EDNRB: variants seen among roughly 807,000 people sequenced by gnomAD.
EDNRB encodes endothelin receptor type B, also known as Hirschsprung disease 2.
In EDNRB, 18 loss-of-function variants were observed where a neutral mutation model predicts 46.4. The ratio of observed to expected loss-of-function variants is 0.39; its 90% CI spans 0.27 to 0.57. EDNRB has a LOEUF of 0.57. Ranked by LOEUF, EDNRB falls within the 20% of genes least tolerant of loss-of-function variation. The pLI is 0.61. For synonymous variants in EDNRB, 213 were observed against 204.9 expected (o/e 1.04, Z -0.34); for missense variants, 434 against 537.5 (o/e 0.81, Z 1.90).
chr13:77,931,769 A>AC (rs1373350485), intron 1 of EDNRB, among the ~76,000 whole-genome samples: 61 of 142,622 alleles, frequency 4.3e-4, no homozygotes, highest in East Asian at 2.7e-4. Flanking sequence ...AACAAAAAAA[A>AC]AAAAACAAAA....
At chr13:77,924,013 TG>T (rs1880161941), upstream of EDNRB, among the ~76,000 whole-genome samples, 1 of 152,244 alleles carries the variant, frequency 6.6e-6, no homozygotes, top group Admixed American at 6.5e-5. Flanking sequence ...TTTCCGATTA[TG>T]CTTTGAGATT....
intron 1 of EDNRB, among the ~76,000 whole-genome samples, chr13:77,955,823 TGG>T (rs1292005422): frequency 1.3e-5 from 2 of 150,194 alleles, no homozygotes; most frequent in Non-Finnish European, 3.0e-5. Context: ...TCTGTTCCAT[TGG>T]GGTGTGTGTA....
intron 1 of EDNRB, among the ~76,000 whole-genome samples, chr13:77,971,717 A>C (rs1187126551): frequency 5.9e-5 from 9 of 152,162 alleles, no homozygotes; most frequent in Admixed American, 5.9e-4. Context: ...ATTTGATTTC[A>C]AGCTTTAAAT....
upstream of EDNRB, among the ~76,000 whole-genome samples, chr13:77,922,975 A>G (rs996260130): frequency 2.6e-5 from 4 of 152,200 alleles, no homozygotes; most frequent in Non-Finnish European, 5.9e-5. Context: ...TTCTATAACT[A>G]AAATGTCACT....
intron 1 of EDNRB, among the ~76,000 whole-genome samples, chr13:77,934,307 A>C (rs1376542826): frequency 6.6e-6 from 1 of 152,186 alleles, no homozygotes; most frequent in East Asian, 1.9e-4. Flanking sequence ...TTGGTGGCTG[A>C]ACTTGGTGAA....
chr13:77,915,963 A>G (rs1021837717), intron 1 of EDNRB, among the ~76,000 whole-genome samples: 5 of 152,224 alleles, frequency 3.3e-5, no homozygotes, highest in Non-Finnish European at 2.9e-5. Context: ...GGAGTCAGAA[A>G]TTCTCTAGTT....
At chr13:77,928,198 A>G (rs1167735802) in intron 1 of EDNRB, among the ~76,000 whole-genome samples, 2 of 152,228 alleles carry the variant, frequency 1.3e-5, no homozygotes, top group Non-Finnish European at 2.9e-5. Context: ...AATGTTTTAT[A>G]AAAATTTGGA....
chr13:77,926,468 G>A (rs915110125), intron 1 of EDNRB, among the ~76,000 whole-genome samples: 1 of 152,144 alleles, frequency 6.6e-6, no homozygotes, highest in Admixed American at 6.5e-5. Context: ...AGGGCAAAAT[G>A]CTGCCAGTCT....
chr13:77,965,255 A>C (rs1477892741), intron 1 of EDNRB, among the ~76,000 whole-genome samples: 1 of 152,222 alleles, frequency 6.6e-6, no homozygotes, highest in African/African-American at 2.4e-5. Flanking sequence ...TAGCTGTGCA[A>C]CATATCAAGA....
At position 77,897,290 on chromosome 13, in the gene EDNRB, T is replaced by G; in HGVS notation, c.*910A>C. ...ACAGATGACAAAACCAAACAGAGTT[T>G]AAGCTACGATAGTGAAAGAAGAAGA... On this transcript the variant is annotated 3_prime_UTR_variant, in exon 7 of 7. Coordinates refer to ENST00000646607, the MANE Select transcript of EDNRB (RefSeq NM_001122659.3). 1 of 985,224 alleles carries G rather than the reference T, an allele frequency of 1.0e-6. No homozygotes were observed. The highest frequency in any genetic ancestry group is 1.2e-6 in the Non-Finnish European group (1 of 829,854). 61.0% of individuals were successfully genotyped at this position (985,224 alleles called of 1,614,324 possible).
intron 1 of EDNRB, among the ~76,000 whole-genome samples, chr13:77,913,183 A>C (rs1366647231): frequency 1.3e-5 from 2 of 152,222 alleles, no homozygotes; most frequent in Non-Finnish European, 2.9e-5. Context: ...TTACCTGCCA[A>C]GGTCACTTCA....
rs374617655 is a variant in EDNRB at position 77,972,550 on chromosome 13, G to A, written c.-52+2797C>T. 9.2e-5 allele frequency among the ~76,000 whole-genome samples: 14 copies of A among 152,246 alleles called. No individual in the cohort carries two copies. In the South Asian group the frequency reaches 2.7e-3, roughly 29 times the overall value. On this transcript the variant is annotated intron_variant, in intron 1 of 7. Coordinates refer to the EDNRB transcript ENST00000646948. ...GGGGGCAAGACTCCTGGTTGGCACT[G>A]GGGTCTTTATCGAAATCTCCCCCGA...
intron 1 of EDNRB, among the ~76,000 whole-genome samples, chr13:77,963,691 A>G (rs2137687600): frequency 6.6e-6 from 1 of 152,338 alleles, no homozygotes; most frequent in South Asian, 2.1e-4. Context: ...AGGCAATACC[A>G]TTCAGGACGG....
Position 77,960,109 on chromosome 13 carries a change from A to C in EDNRB, c.-52+15238T>G, listed in dbSNP as rs184060253. Among the ~76,000 whole-genome samples the C allele has an allele frequency of 1.4e-4, 22 of 152,338 alleles. No homozygotes were observed. In the East Asian group the frequency reaches 4.2e-3, roughly 29 times the overall value. On this transcript the variant is annotated intron_variant, in intron 1 of 7. Transcript: ENST00000646948. Reference sequence around the variant, plus strand: ...GGAGAAAGGAACCAAGTTGGAAAACACTCTGCAGAATATTATCCAGGAGAA... The same window carrying C: ...GGAGAAAGGAACCAAGTTGGAAAACCCTCTGCAGAATATTATCCAGGAGAA...
Position 77,903,223 on chromosome 13 carries a change from A to T in EDNRB, c.734T>A (p.Met245Lys), listed in dbSNP as rs1216200131. 4.3e-6 allele frequency: 7 copies of T among 1,613,056 alleles called. No individual in the cohort carries two copies. In the East Asian group the frequency reaches 8.9e-5, roughly 21 times the overall value. ...TCGCAGATAACTTCCTTTGTAGTCC[A>T]TCGTAATTATATCAAAACCTATGGC... Reference protein sequence around the residue: ...PEAIGFDIITMDYKGSYLRIC... With the variant: ...PEAIGFDIITKDYKGSYLRIC... The change falls in exon 3 of 7, where the codon ATG becomes AAG. Residue 245 changes from methionine (M) to lysine (K), a missense_variant. Coordinates refer to ENST00000646607, the MANE Select transcript of EDNRB (RefSeq NM_001122659.3).
chr13:77,929,548 A>G (rs1880328601), intron 1 of EDNRB, among the ~76,000 whole-genome samples: 1 of 152,206 alleles, frequency 6.6e-6, no homozygotes, highest in African/African-American at 2.4e-5. Flanking sequence ...TGTTAGAGCA[A>G]TGAAATATCA....
intron 1 of EDNRB, among the ~76,000 whole-genome samples, chr13:77,931,744 C>CAAAAAAAA (rs67176737): frequency 1.0e-3 from 85 of 83,294 alleles, no homozygotes; most frequent in African/African-American, 1.7e-3. Context: ...ACTGTAGTAG[C>CAAAAAAAA]AAAAAAAAAA....
intron 1 of EDNRB, among the ~76,000 whole-genome samples, chr13:77,959,320 C>T (rs1026028264): frequency 6.6e-6 from 1 of 152,166 alleles, no homozygotes; most frequent in Non-Finnish European, 1.5e-5. Context: ...CCTCACATGG[C>T]CAGGTTCCCC....
chr13:77,941,237 G>A (rs1880735474), intron 1 of EDNRB, among the ~76,000 whole-genome samples: 1 of 152,174 alleles, frequency 6.6e-6, no homozygotes, highest in South Asian at 2.1e-4. Flanking sequence ...GCCAAGGGAG[G>A]GAAGAGATTC....
Sources: allele counts gnomAD v4.1 joint callset (sites outside exome capture counted in the v4.1 genomes callset), GRCh38; gene constraint gnomAD v4.1.1; transcripts MANE v1.5; gene names NCBI Gene and HGNC (gene_info 2026-07-23, HGNC 2026-07-21).